SESTD1: variants seen among roughly 807,000 people sequenced by gnomAD.
SESTD1 encodes SEC14 and spectrin domain containing 1, also known as SEC14 domain and spectrin repeat-containing protein 1.
A neutral mutation model predicts 101.7 loss-of-function variants in SESTD1; 43 were observed. The ratio of observed to expected loss-of-function variants is 0.42; its 90% CI spans 0.33 to 0.55. The LOEUF is 0.55. Ranked by LOEUF, SESTD1 falls within the 20% of genes least tolerant of loss-of-function variation. The pLI, the probability that SESTD1 is intolerant of heterozygous loss-of-function variation, is 0.07. For synonymous variants in SESTD1, 283 were observed against 286.8 expected, an observed-to-expected ratio of 0.99 and a Z score of 0.13; for missense variants, 647 against 815.1, an observed-to-expected ratio of 0.79 and a Z score of 2.51.
chr2:179,143,931 G>T lies in SESTD1; in HGVS notation c.638-128C>A, dbSNP rs141967788. On this transcript the variant is annotated intron_variant, in intron 8 of 17. Coordinates refer to ENST00000428443, the MANE Select transcript of SESTD1 (RefSeq NM_178123.5). ...CTACATATCTACCAGGTTATAAATGGAATTTAAAAATGTATGTATCACAAT... is the reference window on the plus strand; with the variant it reads ...CTACATATCTACCAGGTTATAAATGTAATTTAAAAATGTATGTATCACAAT... 322 of 926,000 alleles carry T rather than the reference G, an allele frequency of 3.5e-4. 3 individuals are homozygous for T. The East Asian group carries it at 7.0e-3, about 20-fold the overall frequency. 57.4% of individuals were successfully genotyped at this position (926,000 alleles called of 1,614,324 possible). A position where few individuals can be genotyped will look rare whatever the true frequency, so the allele number is the denominator to read the frequency against.
intron 9 of SESTD1, among the ~76,000 whole-genome samples, chr2:179,134,586 T>C (rs1477645338): frequency 6.6e-6 from 1 of 152,230 alleles, no homozygotes; most frequent in East Asian, 1.9e-4. Context: ...AACACATATA[T>C]AGCAGTTATA....
At chr2:179,167,836 C>G (rs2045861833) in intron 5 of SESTD1, among the ~76,000 whole-genome samples, 1 of 152,186 alleles carries the variant, frequency 6.6e-6, no homozygotes, top group South Asian at 2.1e-4. Flanking sequence ...GATCTCGGCT[C>G]ACTGCAACCT....
chr2:179,168,287 A>C (rs2045870452), intron 5 of SESTD1, among the ~76,000 whole-genome samples: 1 of 152,222 alleles, frequency 6.6e-6, no homozygotes, highest in Non-Finnish European at 1.5e-5. Context: ...TTATTTTCTT[A>C]ACATTTTTTC....
At chr2:179,142,477 GGGTGAAGTATCGTGAAT>G (rs1259793499) in intron 9 of SESTD1, among the ~76,000 whole-genome samples, 2 of 152,128 alleles carry the variant, frequency 1.3e-5, no homozygotes. Flanking sequence ...CGAGGCTCAG[GGGTGAAGTATCGTGAAT>G]GGTCACACAG....
intron 5 of SESTD1, among the ~76,000 whole-genome samples, chr2:179,167,433 G>A (rs2045854301): frequency 6.6e-6 from 1 of 152,016 alleles, no homozygotes; most frequent in South Asian, 2.1e-4. Flanking sequence ...GAGTTCCAGA[G>A]GAAACAGAAA....
intron 5 of SESTD1, among the ~76,000 whole-genome samples, chr2:179,155,060 G>A (rs892639601): frequency 2.0e-5 from 3 of 151,926 alleles, no homozygotes; most frequent in East Asian, 1.9e-4. Context: ...CTACAGGGGC[G>A]TGCCACCATG....
intron 1 of SESTD1, among the ~76,000 whole-genome samples, chr2:179,237,533 T>G (rs2047086771): frequency 6.6e-6 from 1 of 152,172 alleles, no homozygotes; most frequent in South Asian, 2.1e-4. Context: ...GTGTGTCCCT[T>G]CCCTACAAGT....
At chr2:179,242,317 T>C (rs1180927070) in intron 1 of SESTD1, among the ~76,000 whole-genome samples, 11 of 152,054 alleles carry the variant, frequency 7.2e-5, no homozygotes, top group African/African-American at 2.4e-5. Flanking sequence ...AAACAAGTTA[T>C]AGAGAACTAA....
At chr2:179,188,928 G>T (rs1192918929) in intron 2 of SESTD1, among the ~76,000 whole-genome samples, 1 of 151,982 alleles carries the variant, frequency 6.6e-6, no homozygotes, top group Non-Finnish European at 1.5e-5. Flanking sequence ...AACTGAATTG[G>T]TAATTTAAAA....
chr2:179,252,356 C>T (rs761859707), intron 1 of SESTD1, among the ~76,000 whole-genome samples: 2 of 152,210 alleles, frequency 1.3e-5, no homozygotes, highest in African/African-American at 2.4e-5. Context: ...TGGTTAGCTG[C>T]CTGTCCTACT....
intron 9 of SESTD1, among the ~76,000 whole-genome samples, chr2:179,138,463 A>G (rs1022087799): frequency 1.1e-4 from 16 of 152,126 alleles, no homozygotes; most frequent in Non-Finnish European, 2.4e-4. Flanking sequence ...ATACAGCTAC[A>G]TTTTTGTGAT....
At chr2:179,257,051 G>A (rs993156485) in intron 1 of SESTD1, among the ~76,000 whole-genome samples, 3 of 152,044 alleles carry the variant, frequency 2.0e-5, no homozygotes, top group African/African-American at 7.2e-5. Context: ...AGCATCTCAT[G>A]CCACAGAGAA....
At chr2:179,193,093 G>A (rs1319536880) in intron 1 of SESTD1, among the ~76,000 whole-genome samples, 1 of 152,010 alleles carries the variant, frequency 6.6e-6, no homozygotes, top group Non-Finnish European at 1.5e-5. Context: ...AAACAGCCCT[G>A]CTCTAGGGGG....
intron 1 of SESTD1, among the ~76,000 whole-genome samples, chr2:179,193,377 A>G (rs558195176): frequency 8.5e-5 from 13 of 152,312 alleles, no homozygotes; most frequent in African/African-American, 3.1e-4. Context: ...AGCCCGGCAA[A>G]CAGACTAGTA....
intron 1 of SESTD1, among the ~76,000 whole-genome samples, chr2:179,216,776 A>G (rs1255356251): frequency 7.4e-6 from 1 of 135,038 alleles, no homozygotes; most frequent in Non-Finnish European, 1.6e-5. Flanking sequence ...TACTGGTACC[A>G]AAACAGACAT....
intron 1 of SESTD1, among the ~76,000 whole-genome samples, chr2:179,211,452 T>C (rs1273086259): frequency 7.5e-6 from 1 of 133,746 alleles, no homozygotes; most frequent in Non-Finnish European, 1.6e-5. Context: ...AGGGAACTAG[T>C]ATAAAAACTG....
At position 179,250,239 on chromosome 2, in the gene SESTD1, A is replaced by G. The variant is rs183657726; in HGVS notation, c.-26+14260T>C. Among the ~76,000 whole-genome samples, 103 of 152,362 alleles carry G rather than the reference A, an allele frequency of 6.8e-4. No homozygotes were observed. In the East Asian group the frequency reaches 0.014, roughly 21 times the overall value. ...AGAAGTCACAAACAGACAACTCATC[A>G]AAGAGGATATACCGATGACAAGCAC... On this transcript the variant is annotated intron_variant, in intron 1 of 17. Transcript: ENST00000428443.
chr2:179,129,069 C>T (rs1020483533), intron 10 of SESTD1, among the ~76,000 whole-genome samples: 2 of 152,148 alleles, frequency 1.3e-5, no homozygotes, highest in Non-Finnish European at 2.9e-5. Flanking sequence ...GGAAACAGTG[C>T]CAACTCGGGT....
chr2:179,243,545 G>A (rs2047184840), intron 1 of SESTD1, among the ~76,000 whole-genome samples: 1 of 152,034 alleles, frequency 6.6e-6, no homozygotes, highest in Admixed American at 6.6e-5. Context: ...AAGAAAATGT[G>A]GTACAAATGT....
Sources: gnomAD v4.1 joint callset for allele counts (sites outside exome capture counted in the v4.1 genomes callset) on GRCh38, gnomAD v4.1.1 for gene constraint, MANE v1.5 for transcripts, NCBI Gene and HGNC (gene_info 2026-07-23, HGNC 2026-07-21) for gene names.